Variants in CCDC171 observed in about 807,000 individuals in gnomAD.
CCDC171 encodes the protein coiled-coil domain-containing protein 171.
A neutral mutation model predicts 168.2 loss-of-function variants in CCDC171; 177 were observed. The observed-to-expected ratio is 1.05, with a 90% confidence interval of 0.93 to 1.19. CCDC171 has a LOEUF of 1.19. Ranked by LOEUF, CCDC171 falls within the 50% of genes most tolerant of loss-of-function variation. The pLI is 0.00. For missense variants in CCDC171, 1,991 were observed against 1,539.0 expected (o/e 1.29, Z -4.91); for synonymous variants, 687 against 540.8 (o/e 1.27, Z -3.75).
At chr9:15,695,645 A>T (rs577413901) in intron 11 of CCDC171, among the ~76,000 whole-genome samples, 5 of 152,302 alleles carry the variant, frequency 3.3e-5, no homozygotes, top group African/African-American at 1.2e-4. Flanking sequence ...TATACCTGCA[A>T]GGGGAACAGA....
At chr9:15,700,777 T>C (rs1474588946) in intron 11 of CCDC171, among the ~76,000 whole-genome samples, 3 of 152,134 alleles carry the variant, frequency 2.0e-5, no homozygotes, top group Non-Finnish European at 4.4e-5. Context: ...CATGCCACCA[T>C]GCCTGGCTTA....
chr9:15,655,987 T>C (rs1191763571), intron 7 of CCDC171, among the ~76,000 whole-genome samples: 1 of 152,188 alleles, frequency 6.6e-6, no homozygotes, highest in African/African-American at 2.4e-5. Context: ...GTAATCTAAA[T>C]TGGCACCATC....
intron 8 of CCDC171, chr9:16,036,340 G>C (rs917500306): frequency 4.6e-5 from 7 of 152,250 alleles, no homozygotes; most frequent in African/African-American, 1.7e-4. Context: ...CATCAGCACA[G>C]AGAGACAAAA....
chr9:15,912,495 C>G (rs139140036), intron 24 of CCDC171, among the ~76,000 whole-genome samples: 107 of 152,220 alleles, frequency 7.0e-4, no homozygotes, highest in Non-Finnish European at 1.2e-3. Flanking sequence ...CATCTGCAAA[C>G]AGAGGTAATT....
chr9:16,057,307 A>G (rs1216900918), intron 1 of CCDC171, among the ~76,000 whole-genome samples: 1 of 152,228 alleles, frequency 6.6e-6, no homozygotes, highest in Non-Finnish European at 1.5e-5. Context: ...CTTGAAGCCC[A>G]GAGGATTTTA....
At chr9:15,584,628 C>G (rs142326650) in intron 4 of CCDC171, among the ~76,000 whole-genome samples, 2 of 152,234 alleles carry the variant, frequency 1.3e-5, no homozygotes, top group African/African-American at 4.8e-5. Context: ...GGCGACCTTT[C>G]TAGATTTTAT....
At chr9:15,874,346 A>G (rs1467511526) in intron 23 of CCDC171, among the ~76,000 whole-genome samples, 186 bp from the exon 24 acceptor site, 2 of 151,936 alleles carry the variant, frequency 1.3e-5, no homozygotes, top group Non-Finnish European at 2.9e-5. Flanking sequence ...TCTTCTTAAC[A>G]TTCTCCCCCA....
chr9:15,603,749 T>C (rs2043031258), intron 6 of CCDC171, among the ~76,000 whole-genome samples: 1 of 151,814 alleles, frequency 6.6e-6, no homozygotes, highest in African/African-American at 2.4e-5. Context: ...ATGATTTATA[T>C]TCCTTTGGGT....
At chr9:15,666,964 C>A (rs558039856) in intron 9 of CCDC171, among the ~76,000 whole-genome samples, 16 of 152,120 alleles carry the variant, frequency 1.1e-4, no homozygotes, top group Non-Finnish European at 2.2e-4. Context: ...TTGTCTAACA[C>A]CGTATGAGGA....
chr9:15,654,069 A>G (rs1016205957), intron 7 of CCDC171, among the ~76,000 whole-genome samples: 3 of 152,174 alleles, frequency 2.0e-5, no homozygotes, highest in African/African-American at 7.2e-5. Flanking sequence ...TTTCAGCGGA[A>G]TGCCTGTTAT....
chr9:15,986,681 C>T (rs1041878664), intron 3 of CCDC171, among the ~76,000 whole-genome samples: 4 of 152,178 alleles, frequency 2.6e-5, no homozygotes, highest in Admixed American at 2.0e-4. Flanking sequence ...TTAGACATGG[C>T]ACTCTGTAAA....
At chr9:15,771,949 C>T (rs1389744880) in intron 18 of CCDC171, among the ~76,000 whole-genome samples, 1 of 152,112 alleles carries the variant, frequency 6.6e-6, no homozygotes, top group Non-Finnish European at 1.5e-5. Flanking sequence ...TATTGTGCCT[C>T]AGCCTCCGGA....
intron 4 of CCDC171, among the ~76,000 whole-genome samples, chr9:15,588,898 G>A (rs1195268742): frequency 6.6e-6 from 1 of 151,784 alleles, no homozygotes; most frequent in African/African-American, 2.4e-5. Flanking sequence ...TTTTGGTAGA[G>A]ATGGGGTTTC....
intron 23 of CCDC171, among the ~76,000 whole-genome samples, chr9:15,849,985 C>G (rs1295449325): frequency 6.6e-6 from 1 of 151,760 alleles, no homozygotes; most frequent in Admixed American, 6.6e-5. Flanking sequence ...TCCTAAGCTT[C>G]TTTGAAATTA....
chr9:15,648,096 C>T (rs770725966), intron 7 of CCDC171, among the ~76,000 whole-genome samples: 22 of 152,114 alleles, frequency 1.4e-4, no homozygotes, highest in Non-Finnish European at 2.5e-4. Context: ...GTTCAACATA[C>T]GCAAATCAAT....
chr9:15,972,121 A>G lies in CCDC171; in HGVS notation c.*285A>G. 1 of 376,216 alleles carries G rather than the reference A, an allele frequency of 2.7e-6. No homozygotes were observed. Among genetic ancestry groups the G allele is most frequent in the Non-Finnish European group, 4.8e-6 (1 of 209,428 alleles). The allele number at this position is 376,216 out of a possible 1,614,324, so 23.3% of individuals were successfully genotyped here. ...TTGGGTAATTTCCCTCAGACTTAAA[A>G]AAATCAATAAGCCATTTTAGTCTCT... On this transcript the variant is annotated 3_prime_UTR_variant, in exon 26 of 26. Coordinates refer to ENST00000380701, the MANE Select transcript of CCDC171 (RefSeq NM_173550.4).
intron 3 of CCDC171, among the ~76,000 whole-genome samples, chr9:15,998,544 C>G (rs970881539): frequency 6.6e-6 from 1 of 152,162 alleles, no homozygotes; most frequent in Non-Finnish European, 1.5e-5. Flanking sequence ...AACTATTAGT[C>G]TTTCCAGGAT....
chr9:15,732,119 A>G (rs968796754), intron 16 of CCDC171, among the ~76,000 whole-genome samples: 3 of 152,066 alleles, frequency 2.0e-5, no homozygotes, highest in African/African-American at 2.4e-5. Flanking sequence ...ATGCATCACA[A>G]TATTTTCTCT....
the CCDC171 span, among the ~76,000 whole-genome samples, chr9:16,077,557 A>G: frequency 6.6e-6 from 1 of 152,272 alleles, no homozygotes; most frequent in East Asian, 1.9e-4. Context: ...AGAAGAAAAC[A>G]CCTGATCCAA....
Sources: allele counts gnomAD v4.1 joint callset (sites outside exome capture counted in the v4.1 genomes callset), GRCh38; gene constraint gnomAD v4.1.1; transcripts MANE v1.5; gene names NCBI Gene and HGNC (gene_info 2026-07-23, HGNC 2026-07-21).